SDR16C5: variants seen among roughly 807,000 people sequenced by gnomAD.
SDR16C5 encodes the protein short chain dehydrogenase/reductase family 16C member 5, also known as epidermal retinol dehydrogenase 2.
SDR16C5 carries 20 observed loss-of-function variants against 27.7 expected under a neutral mutation model. The ratio of observed to expected loss-of-function variants is 0.72; its 90% CI spans 0.51 to 1.05. The LOEUF (loss-of-function observed/expected upper bound fraction) is 1.05, where lower values mean the gene tolerates loss of function less well. Among genes scored for constraint, SDR16C5 ranks in the 50% least tolerant of loss-of-function variants. The probability of loss-of-function intolerance (pLI) is 0.00; values close to 1 mark genes in which losing one functional copy is unlikely to be tolerated. For missense variants in SDR16C5, 374 were observed against 366.3 expected, an observed-to-expected ratio of 1.02 and a Z score of -0.17; for synonymous variants, 139 against 132.3, an observed-to-expected ratio of 1.05 and a Z score of -0.35.
rs775893103 is a variant in SDR16C5 at position 56,301,567 on chromosome 8, C to A, written c.843G>T (p.Leu281Phe). Residue 281 changes from leucine (L) to phenylalanine (F), a missense_variant, in exon 7 of 7, where the codon TTG becomes TTT. Coordinates refer to ENST00000303749, the MANE Select transcript of SDR16C5 (RefSeq NM_138969.4). ...LYFMMFLKSF[L>F]PLKTGLLIAD... ...CTATAAGCAGTCCTGTCTTGAGGGG[C>A]AAAAAGCTAAAGAGAACACAAGAAT... 1 of 1,612,150 alleles carries A rather than the reference C, an allele frequency of 6.2e-7. No homozygotes were observed. The highest frequency in any genetic ancestry group is 8.5e-7 in the Non-Finnish European group (1 of 1,178,454).
chr8:56,319,122 T>C (rs1319135873), intron 1 of SDR16C5, among the ~76,000 whole-genome samples: 1 of 26,900 alleles, frequency 3.7e-5, no homozygotes, highest in Non-Finnish European at 7.3e-5. Context: ...TCGAACAAAT[T>C]AGAAAAAAAA....
intron 3 of SDR16C5, among the ~76,000 whole-genome samples, chr8:56,310,197 A>G (rs1279370400): frequency 8.7e-4 from 12 of 13,806 alleles, no homozygotes; most frequent in African/African-American, 3.8e-3. Context: ...GAGGAGGAGG[A>G]AGGAGGAGGA....
At chr8:56,314,192 CA>C (rs1285272794) in intron 2 of SDR16C5, among the ~76,000 whole-genome samples, 2 of 119,464 alleles carry the variant, frequency 1.7e-5, no homozygotes, top group Non-Finnish European at 3.5e-5. Flanking sequence ...GGCGACAGAG[CA>C]AGACTCTGTC....
chr8:56,304,276 G>C (rs1246144206), intron 6 of SDR16C5, among the ~76,000 whole-genome samples: 1 of 152,152 alleles, frequency 6.6e-6, no homozygotes, highest in Non-Finnish European at 1.5e-5. Context: ...ATTGCACATG[G>C]AGCTGGGGGA....
chr8:56,314,641 G>C (rs1815142416), intron 2 of SDR16C5, among the ~76,000 whole-genome samples: 1 of 152,194 alleles, frequency 6.6e-6, no homozygotes, highest in African/African-American at 2.4e-5. Context: ...GCCCAGCGTA[G>C]GCCCGAGCAA....
chr8:56,314,065 G>T (rs1233920340), intron 2 of SDR16C5, among the ~76,000 whole-genome samples: 1 of 152,080 alleles, frequency 6.6e-6, no homozygotes, highest in East Asian at 1.9e-4. Context: ...AAATTAGCTG[G>T]GCGTGGTAGC....
rs1396904413 is a variant in SDR16C5, at chr8:56,300,104, G to T, written c.*1376C>A. The stretch of plus-strand genomic sequence containing the variant: ...AGTCTCGTTTAATGAAATAATGTTT[G>T]TCAAATACTTAATTTGCTGCCGGGC... On this transcript the variant is annotated 3_prime_UTR_variant, in exon 7 of 7. Coordinates refer to ENST00000303749, the MANE Select transcript of SDR16C5 (RefSeq NM_138969.4). The T allele has an allele frequency of 6.6e-6, 1 of 151,880 alleles. No individual in the cohort carries two copies. The highest frequency in any genetic ancestry group is 1.5e-5 in the Non-Finnish European group (1 of 68,000). 9.4% of individuals were successfully genotyped at this position (151,880 alleles called of 1,614,324 possible).
intron 2 of SDR16C5, 79 bp downstream of exon 2, chr8:56,315,935 AG>A: frequency 1.1e-6 from 1 of 909,232 alleles, no homozygotes; most frequent in Non-Finnish European, 1.7e-6. Context: ...CACTGGAGAC[AG>A]GCTAATAGGC....
chr8:56,315,980 G>C, intron 2 of SDR16C5, 35 bp downstream of exon 2: 1 of 1,414,584 alleles, frequency 7.1e-7, no homozygotes, highest in Non-Finnish European at 9.9e-7. Flanking sequence ...AGTGTGATGT[G>C]TATCAAATTA....
intron 2 of SDR16C5, among the ~76,000 whole-genome samples, chr8:56,314,574 C>G (rs776899203): frequency 3.9e-5 from 6 of 152,216 alleles, no homozygotes; most frequent in Non-Finnish European, 8.8e-5. Context: ...GCCAGGTGAT[C>G]AGTGCTTAAC....
chr8:56,305,778 A>G, intron 5 of SDR16C5, 56 bp from the exon 6 acceptor site: 1 of 1,530,830 alleles, frequency 6.5e-7, no homozygotes, highest in Non-Finnish European at 8.7e-7. Flanking sequence ...ATTCATAAAT[A>G]AAGATAATTT....
intron 6 of SDR16C5, among the ~76,000 whole-genome samples, chr8:56,303,587 C>T (rs1053117319): frequency 4.6e-5 from 7 of 152,214 alleles, no homozygotes; most frequent in Non-Finnish European, 1.0e-4. Flanking sequence ...ACACAAAGCA[C>T]TCTCTGAATA....
Position 56,305,246 on chromosome 8 carries a change from C to A in SDR16C5, c.836+351G>T, listed in dbSNP as rs112478596. 9.6e-3 allele frequency among the ~76,000 whole-genome samples: 1,460 copies of A among 152,250 alleles called. 14 individuals are homozygous for A. The highest frequency in any genetic ancestry group is 0.017 in the Middle Eastern group (5 of 294). On this transcript the variant is annotated intron_variant, in intron 6 of 6. Transcript: ENST00000303749. ...CCCTGTACTTGAGGAGGCATGGATA[C>A]AATATCTATTCCAACAGGATTATTT... is the stretch of plus-strand genomic sequence containing the variant.
rs932904774 is a variant in SDR16C5, at chr8:56,316,181, A to G, written c.167T>C (p.Leu56Ser). 2 of 1,613,952 alleles carry G rather than the reference A, an allele frequency of 1.2e-6. No homozygotes were observed. Among genetic ancestry groups the G allele is most frequent in the East Asian group, 2.2e-5 (1 of 44,894 alleles). Residue 56 changes from leucine to serine, a missense_variant, in exon 2 of 7, where the codon TTA becomes TCA. Physicochemically the swap from Leu to Ser is moderately radical, Grantham distance 145. Transcript: ENST00000303749. ...TGAGSGLGRL[L>S]ALQFARLGSV... is the part of the protein sequence containing the mutation. ...TCCCAGCCGGGCAAACTGCAAGGCT[A>G]AGAGCCTTCCGAGTCCACTTCCAGC...
intron 2 of SDR16C5, among the ~76,000 whole-genome samples, chr8:56,313,677 A>G (rs537240161): frequency 1.7e-4 from 26 of 152,338 alleles, no homozygotes; most frequent in Admixed American, 1.7e-3. Context: ...ATGTCATTAT[A>G]TGGTGCACGA....
chr8:56,315,969 G>T, intron 2 of SDR16C5, 46 bp downstream of exon 2: 1 of 1,312,070 alleles, frequency 7.6e-7, no homozygotes, highest in Non-Finnish European at 1.1e-6. Context: ...AAGTGAAAAA[G>T]AGTGTGATGT....
At chr8:56,308,881 A>T in intron 4 of SDR16C5, 47 bp downstream of exon 4, 1 of 1,324,888 alleles carries the variant, frequency 7.5e-7, no homozygotes. Flanking sequence ...TGTGTAAGTT[A>T]AAGTTATAGG....
intron 2 of SDR16C5, among the ~76,000 whole-genome samples, chr8:56,315,639 A>T (rs945980651): frequency 6.6e-6 from 1 of 152,114 alleles, no homozygotes; most frequent in Admixed American, 6.5e-5. Flanking sequence ...TTACACTGTA[A>T]TAGGGGCCGG....
intron 4 of SDR16C5, 148 bp from the exon 5 acceptor site, chr8:56,306,968 A>G: frequency 1.5e-6 from 1 of 685,798 alleles, no homozygotes; most frequent in Non-Finnish European, 2.3e-6. Flanking sequence ...CACTGGAAGA[A>G]GTGAGCAGGG....
Sources: gnomAD v4.1 joint callset for allele counts (sites outside exome capture counted in the v4.1 genomes callset) on GRCh38, gnomAD v4.1.1 for gene constraint, MANE v1.5 for transcripts, NCBI Gene and HGNC (gene_info 2026-07-23, HGNC 2026-07-21) for gene names.